Variants in MRTFB observed in about 807,000 individuals in gnomAD.
The protein encoded by MRTFB is myocardin-related transcription factor B.
MRTFB carries 29 observed loss-of-function variants against 104.2 expected under a neutral mutation model. The ratio of observed to expected loss-of-function variants is 0.28; its 90% CI spans 0.21 to 0.38. The LOEUF is 0.38. Among genes scored for constraint, MRTFB ranks in the 10% least tolerant of loss-of-function variants. The pLI is 1.00. For missense variants in MRTFB, 1,270 were observed against 1,341.6 expected (o/e 0.95, Z 0.83); for synonymous variants, 535 against 519.5 (o/e 1.03, Z -0.41).
chr16:14,126,876 A>G (rs1420014060), intron 2 of MRTFB, among the ~76,000 whole-genome samples: 2 of 152,238 alleles, frequency 1.3e-5, no homozygotes, highest in African/African-American at 4.8e-5. Context: ...AACAGGGGCT[A>G]AATACTATGA....
At chr16:14,182,269 G>A (rs1309915478) in intron 3 of MRTFB, among the ~76,000 whole-genome samples, 2 of 152,158 alleles carry the variant, frequency 1.3e-5, no homozygotes, top group African/African-American at 4.8e-5. Context: ...CCAGTGTAGA[G>A]TGAAGAGGCT....
At chr16:14,095,134 A>G (rs2035290731) in intron 2 of MRTFB, among the ~76,000 whole-genome samples, 1 of 152,252 alleles carries the variant, frequency 6.6e-6, no homozygotes, top group African/African-American at 2.4e-5. Flanking sequence ...CATGGAAGGT[A>G]AATTGTTGGG....
At chr16:14,221,414 T>G (rs2041697446) in intron 8 of MRTFB, among the ~76,000 whole-genome samples, 1 of 152,212 alleles carries the variant, frequency 6.6e-6, no homozygotes, top group Admixed American at 6.5e-5. Context: ...GGGATTTATC[T>G]TAGTAACCTC....
Position 14,240,432 on chromosome 16 carries a change from A to C in MRTFB, c.1027A>C (p.Ser343Arg), listed in dbSNP as rs1221740453. ...GCTGTTCCTGCAACTGCAGATCCTG[A>C]GTCAGCAGAAGCAGCACTACAACTA... ...QQLFLQLQIL[S>R]QQKQHYNYQT... The change falls in exon 10 of 17, where the codon AGT becomes CGT. Residue 343 changes from serine to arginine, a missense_variant. Ser to Arg is a moderately radical substitution (Grantham distance 110). Coordinates refer to ENST00000571589, the MANE Select transcript of MRTFB (RefSeq NM_001308142.2). 1 of 1,614,116 alleles carries C rather than the reference A, an allele frequency of 6.2e-7. No individual in the cohort carries two copies. The highest frequency in any genetic ancestry group is 8.5e-7 in the Non-Finnish European group (1 of 1,180,042).
chr16:14,180,946 T>A (rs2039748831), intron 3 of MRTFB, among the ~76,000 whole-genome samples: 1 of 152,194 alleles, frequency 6.6e-6, no homozygotes, highest in Non-Finnish European at 1.5e-5. Context: ...ACATGGATGA[T>A]TTCCTTCAAA....
chr16:14,192,397 C>G (rs182498696), intron 3 of MRTFB, among the ~76,000 whole-genome samples: 62 of 151,952 alleles, frequency 4.1e-4, no homozygotes, highest in African/African-American at 1.4e-3. Context: ...TGAAAAGATA[C>G]GAGATATGGT....
chr16:14,047,617 T>C, the MRTFB span, among the ~76,000 whole-genome samples: 2,470 of 152,246 alleles, frequency 0.016, 84 homozygotes, highest in African/African-American at 0.055. Flanking sequence ...GCAAAAGGCA[T>C]GTCTTACATG....
At chr16:14,022,331 G>A in the MRTFB span, among the ~76,000 whole-genome samples, 1 of 152,190 alleles carries the variant, frequency 6.6e-6, no homozygotes, top group Non-Finnish European at 1.5e-5. Context: ...GGAGATAGGA[G>A]CCAGGACTTA....
chr16:14,195,767 A>G (rs543876522), intron 3 of MRTFB, among the ~76,000 whole-genome samples: 2 of 152,348 alleles, frequency 1.3e-5, no homozygotes, highest in East Asian at 1.9e-4. Context: ...CTCTACCTAT[A>G]GCTGCACACT....
the MRTFB span, among the ~76,000 whole-genome samples, chr16:13,997,907 G>T: frequency 2.0e-5 from 3 of 151,876 alleles, no homozygotes; most frequent in South Asian, 2.1e-4. Flanking sequence ...CATGATGCTT[G>T]CCTCATGGAG....
At chr16:14,059,801 T>C in the MRTFB span, among the ~76,000 whole-genome samples, 19 of 151,812 alleles carry the variant, frequency 1.3e-4, no homozygotes, top group Non-Finnish European at 2.1e-4. Context: ...GGGTCCAAGG[T>C]GAAGGGGAAG....
At chr16:14,244,435 A>G (rs1178224550) in intron 10 of MRTFB, among the ~76,000 whole-genome samples, 1 of 152,208 alleles carries the variant, frequency 6.6e-6, no homozygotes, top group Admixed American at 6.5e-5. Flanking sequence ...TAGGATAGGC[A>G]GATGTTTTCC....
chr16:14,105,309 A>G (rs57406490), intron 2 of MRTFB, among the ~76,000 whole-genome samples: 8,553 of 152,150 alleles, frequency 0.056, 830 homozygotes, highest in African/African-American at 0.19. Context: ...ATCTTTTATA[A>G]AAGGTCATCA....
the MRTFB span, among the ~76,000 whole-genome samples, chr16:14,052,146 G>GC: frequency 6.6e-6 from 1 of 150,990 alleles, no homozygotes; most frequent in African/African-American, 2.4e-5. Context: ...GTTTTGCATG[G>GC]GGGGGTGCTG....
chr16:14,245,580 A>C lies in MRTFB; in HGVS notation c.1132A>C (p.Thr378Pro). Residue 378 changes from threonine (T) to proline (P), a missense_variant, in exon 11 of 17, where the codon ACA (threonine) becomes CCA (proline). Around this residue, in one of 3 missense-constraint regions of MRTFB, gnomAD observed 1,144 missense variants for 1,131.5 expected, o/e 1.01. Transcript: ENST00000571589. ...TGGGAATTCAGCTTTGAACAATGCCACACCTAACACACCAAGACAGAATAC... is the reference window on the plus strand; with the variant it reads ...TGGGAATTCAGCTTTGAACAATGCCCCACCTAACACACCAAGACAGAATAC... ...NSGNSALNNATPNTPRQNTST... is the reference protein window; with the variant it reads ...NSGNSALNNAPPNTPRQNTST... 1 of 1,614,140 alleles carries C rather than the reference A, an allele frequency of 6.2e-7. No homozygotes were observed. Among genetic ancestry groups the C allele is most frequent in the Non-Finnish European group, 8.5e-7 (1 of 1,180,010 alleles).
rs753558005 is a variant in MRTFB at position 14,234,134 on chromosome 16, C to T, written c.694-12C>T. 1.9e-6 allele frequency: 3 copies of T among 1,603,284 alleles called. No individual in the cohort carries two copies. Among genetic ancestry groups the T allele is most frequent in the Non-Finnish European group, 1.7e-6 (2 of 1,175,574 alleles). On this transcript the variant is annotated splice_polypyrimidine_tract_variant and intron_variant, in intron 8 of 16. Coordinates refer to ENST00000571589, the MANE Select transcript of MRTFB (RefSeq NM_001308142.2). ...ATTTCACAGACTTGTTCCTTTTTGCCTTTTCCACCAGTTTGCTTCAGTGTC... is the reference window on the plus strand; with the variant it reads ...ATTTCACAGACTTGTTCCTTTTTGCTTTTTCCACCAGTTTGCTTCAGTGTC...
At chr16:14,184,516 A>AT (rs1431627158) in intron 3 of MRTFB, among the ~76,000 whole-genome samples, 3 of 151,882 alleles carry the variant, frequency 2.0e-5, no homozygotes, top group African/African-American at 4.8e-5. Flanking sequence ...CCCACCACTG[A>AT]TTTTTTTAAG....
intron 2 of MRTFB, among the ~76,000 whole-genome samples, chr16:14,109,503 C>G (rs2036162620): frequency 6.6e-6 from 1 of 152,220 alleles, no homozygotes; most frequent in Non-Finnish European, 1.5e-5. Context: ...ATTGTCATCA[C>G]TGCAGATACT....
In MRTFB at chr16:14,243,864, G is replaced by GTTTTTTTTTTT. The variant is rs56296807; in HGVS notation, c.1080-1661_1080-1651dup. ...CAGAGATTAGTTTTGCCTGTTTTGG[G>GTTTTTTTTTTT]TTTTTTTTTTTTTGAGACAGAGTCT... On this transcript the variant is annotated intron_variant, in intron 10 of 16. Transcript: ENST00000571589. Among the ~76,000 whole-genome samples the GTTTTTTTTTTT allele has an allele frequency of 3.3e-4, 41 of 124,638 alleles. 2 individuals carry two copies. Among genetic ancestry groups the GTTTTTTTTTTT allele is most frequent in the Admixed American group, 4.6e-4 (6 of 12,904 alleles). 81.8% of individuals were successfully genotyped at this position (124,638 alleles called of 152,430 possible).
Sources: allele counts gnomAD v4.1 joint callset (sites outside exome capture counted in the v4.1 genomes callset), GRCh38; gene constraint gnomAD v4.1.1; regional missense constraint gnomAD v4.1.1; transcripts MANE v1.5; gene names NCBI Gene and HGNC (gene_info 2026-07-23, HGNC 2026-07-21).